The following KLHL32 variants were observed in gnomAD, a reference collection of about 807,000 sequenced individuals.
The protein encoded by KLHL32 is kelch like family member 32, also known as kelch-like protein 32.
Under a neutral mutation model 64.8 loss-of-function variants are expected in KLHL32, and 35 were observed. The observed-to-expected ratio is 0.54, with a 90% confidence interval of 0.41 to 0.72. KLHL32 has a LOEUF of 0.72. Ranked by LOEUF, KLHL32 falls within the 30% of genes least tolerant of loss-of-function variation. The pLI, the probability that KLHL32 is intolerant of heterozygous loss-of-function variation, is 0.00. For synonymous variants in KLHL32, 259 were observed against 281.0 expected, an observed-to-expected ratio of 0.92 and a Z score of 0.78; for missense variants, 589 against 768.5, an observed-to-expected ratio of 0.77 and a Z score of 2.76.
At chr6:96,937,504 G>A (rs1248906695) in intron 1 of KLHL32, among the ~76,000 whole-genome samples, 1 of 152,214 alleles carries the variant, frequency 6.6e-6, no homozygotes, top group Non-Finnish European at 1.5e-5. Context: ...ATGTGTGTCT[G>A]TCGGGCAACA....
chr6:96,934,312 T>A (rs941412690), intron 1 of KLHL32, among the ~76,000 whole-genome samples: 1 of 152,198 alleles, frequency 6.6e-6, no homozygotes, highest in East Asian at 1.9e-4. Flanking sequence ...CATTGAGTAA[T>A]TATGGTGATA....
chr6:97,032,624 A>G (rs951073064), intron 3 of KLHL32, among the ~76,000 whole-genome samples: 2 of 152,160 alleles, frequency 1.3e-5, no homozygotes, highest in African/African-American at 2.4e-5. Flanking sequence ...CCTGCTGTAT[A>G]TACGGGATTG....
upstream of KLHL32, among the ~76,000 whole-genome samples, chr6:96,919,738 T>A (rs1768692780): frequency 6.6e-6 from 1 of 152,120 alleles, no homozygotes; most frequent in Non-Finnish European, 1.5e-5. Flanking sequence ...ATAAAAATAA[T>A]AAACAGTACA....
At chr6:96,901,328 CTTT>C in the KLHL32 span, among the ~76,000 whole-genome samples, 21 of 146,998 alleles carry the variant, frequency 1.4e-4, no homozygotes, top group Admixed American at 1.4e-4. Flanking sequence ...TCCTGGATGC[CTTT>C]TTTTTTTTTT....
In KLHL32 at chr6:97,111,062, A is replaced by T. The variant is rs911045408; in HGVS notation, c.628-2721A>T. 2.6e-5 allele frequency among the ~76,000 whole-genome samples: 4 copies of T among 151,962 alleles called. No homozygotes were observed. In the South Asian group the frequency reaches 8.3e-4, roughly 31 times the overall value. On this transcript the variant is annotated intron_variant, in intron 6 of 10. Transcript: ENST00000369261. ...GGGGGGTCTTAGCCAACCACCTGTT[A>T]CATCTGGGACTGGGTCCAGTCCAGG...
chr6:97,126,726 AAAG>A (rs1204076648), intron 7 of KLHL32, among the ~76,000 whole-genome samples: 2 of 152,190 alleles, frequency 1.3e-5, no homozygotes, highest in Non-Finnish European at 2.9e-5. Flanking sequence ...AGTATGAAAA[AAAG>A]AATATGAAAT....
intron 3 of KLHL32, among the ~76,000 whole-genome samples, chr6:97,006,070 G>T (rs116255644): frequency 0.011 from 1,583 of 150,106 alleles, 32 homozygotes; most frequent in African/African-American, 0.037. Flanking sequence ...ATCTTTGTTA[G>T]TTTTTTCCCT....
chr6:96,906,983 A>G, the KLHL32 span, among the ~76,000 whole-genome samples: 1 of 152,202 alleles, frequency 6.6e-6, no homozygotes, highest in Non-Finnish European at 1.5e-5. Flanking sequence ...GTGATCTAGT[A>G]AAAGAGTATG....
At chr6:97,022,470 A>ATTTTTTTTTTTTT (rs145998879) in intron 3 of KLHL32, among the ~76,000 whole-genome samples, 1 of 138,970 alleles carries the variant, frequency 7.2e-6, no homozygotes. Context: ...ATAACACCTA[A>ATTTTTTTTTTTTT]TTTTTTTTTT....
chr6:97,048,568 G>T (rs1786304893), intron 4 of KLHL32, among the ~76,000 whole-genome samples: 1 of 152,024 alleles, frequency 6.6e-6, no homozygotes, highest in Non-Finnish European at 1.5e-5. Context: ...TTGTTTTTTT[G>T]ATTGTCATTT....
the KLHL32 span, among the ~76,000 whole-genome samples, chr6:96,908,164 T>C: frequency 6.6e-6 from 1 of 152,202 alleles, no homozygotes; most frequent in South Asian, 2.1e-4. Context: ...GTTGTGTATC[T>C]GAGACTCAGA....
intron 6 of KLHL32, among the ~76,000 whole-genome samples, chr6:97,110,929 C>T (rs999414688): frequency 6.6e-6 from 1 of 151,956 alleles, no homozygotes; most frequent in African/African-American, 2.4e-5. Flanking sequence ...TACTTAGTAA[C>T]ATTTCTGAAG....
intron 1 of KLHL32, among the ~76,000 whole-genome samples, chr6:96,934,034 C>T (rs914955951): frequency 6.6e-6 from 1 of 152,162 alleles, no homozygotes; most frequent in Non-Finnish European, 1.5e-5. Context: ...CTCACATTGT[C>T]ATCCATGACA....
intron 1 of KLHL32, among the ~76,000 whole-genome samples, chr6:96,940,957 G>A (rs1043418369): frequency 4.6e-5 from 7 of 152,320 alleles, no homozygotes; most frequent in African/African-American, 9.6e-5. Context: ...AATGGAAAGC[G>A]TAATAGATGA....
intron 7 of KLHL32, among the ~76,000 whole-genome samples, chr6:97,123,150 C>A (rs1414955680): frequency 6.6e-6 from 1 of 152,190 alleles, no homozygotes; most frequent in African/African-American, 2.4e-5. Context: ...AGCCATCAGA[C>A]TTGACCCAGT....
At chr6:96,998,494 G>A (rs1778655095) in intron 3 of KLHL32, among the ~76,000 whole-genome samples, 1 of 152,068 alleles carries the variant, frequency 6.6e-6, no homozygotes, top group Admixed American at 6.5e-5. Flanking sequence ...ATTATTTTTA[G>A]TTTAGCTTTT....
chr6:97,112,410 T>C (rs375808864), intron 6 of KLHL32, among the ~76,000 whole-genome samples: 1 of 152,128 alleles, frequency 6.6e-6, no homozygotes, highest in African/African-American at 2.4e-5. Context: ...TAAATTACTT[T>C]AGGTGCTCCA....
chr6:96,903,769 A>G, the KLHL32 span, among the ~76,000 whole-genome samples: 93 of 152,346 alleles, frequency 6.1e-4, no homozygotes, highest in Non-Finnish European at 1.1e-3. Context: ...AACACCCATT[A>G]CTAAAAATAC....
chr6:97,130,263 C>T (rs1374542660), intron 8 of KLHL32, among the ~76,000 whole-genome samples: 1 of 152,136 alleles, frequency 6.6e-6, no homozygotes, highest in Admixed American at 6.5e-5. Flanking sequence ...GCATTATTAT[C>T]CCCATTTTAC....
Sources: gnomAD v4.1 joint callset for allele counts (sites outside exome capture counted in the v4.1 genomes callset) on GRCh38, gnomAD v4.1.1 for gene constraint, MANE v1.5 for transcripts, NCBI Gene and HGNC (gene_info 2026-07-23, HGNC 2026-07-21) for gene names.